GALNT17: variants seen among roughly 807,000 people sequenced by gnomAD.
GALNT17 encodes UDP-GalNAc:polypeptide N-acetylgalactosaminyltransferase-like 3.
GALNT17 carries 29 observed loss-of-function variants against 63.7 expected under a neutral mutation model. The observed-to-expected ratio is 0.46, with a 90% confidence interval of 0.34 to 0.62. The LOEUF (loss-of-function observed/expected upper bound fraction) is 0.62. Ranked by LOEUF, GALNT17 falls within the 20% of genes least tolerant of loss-of-function variation. GALNT17 has a pLI of 0.01. For missense variants in GALNT17, 603 were observed against 799.6 expected (o/e 0.75, Z 2.97); for synonymous variants, 305 against 318.3 (o/e 0.96, Z 0.45).
intron 1 of GALNT17, among the ~76,000 whole-genome samples, chr7:71,212,677 C>A (rs1789403788): frequency 6.6e-6 from 1 of 152,152 alleles, no homozygotes; most frequent in African/African-American, 2.4e-5. Context: ...CCATGGGAAC[C>A]CACCTCTTGG....
intron 6 of GALNT17, among the ~76,000 whole-genome samples, chr7:71,604,925 A>G (rs1231290352): frequency 1.3e-5 from 2 of 152,204 alleles, no homozygotes; most frequent in African/African-American, 2.4e-5. Flanking sequence ...GGCAAAGAGC[A>G]GAGTGCCCCC....
At chr7:71,298,694 G>A (rs565223920) in intron 1 of GALNT17, among the ~76,000 whole-genome samples, 5 of 141,298 alleles carry the variant, frequency 3.5e-5, no homozygotes, top group African/African-American at 8.0e-5. Flanking sequence ...ATTTGTGCAC[G>A]ACTTTTATTC....
chr7:71,619,907 CATG>C (rs1270624438), intron 6 of GALNT17, among the ~76,000 whole-genome samples: 1 of 152,098 alleles, frequency 6.6e-6, no homozygotes, highest in Non-Finnish European at 1.5e-5. Context: ...GCCCATTCAG[CATG>C]ATGTTGGCTG....
chr7:71,505,371 G>A (rs4719133), intron 5 of GALNT17, among the ~76,000 whole-genome samples: 78,983 of 151,474 alleles, frequency 0.52, 22,200 homozygotes, highest in Non-Finnish European at 0.65. Flanking sequence ...GGCTAAGGTG[G>A]GAGGATCACT....
At chr7:71,492,133 G>T (rs1167123579) in intron 5 of GALNT17, among the ~76,000 whole-genome samples, 2 of 152,218 alleles carry the variant, frequency 1.3e-5, no homozygotes, top group Middle Eastern at 6.8e-3. Flanking sequence ...TACAAAATTA[G>T]TCGGGCGTGG....
At chr7:71,283,164 G>A (rs1790808300) in intron 1 of GALNT17, among the ~76,000 whole-genome samples, 1 of 151,674 alleles carries the variant, frequency 6.6e-6, no homozygotes, top group Non-Finnish European at 1.5e-5. Flanking sequence ...CCCCCAAGTA[G>A]CTGGGACTGT....
chr7:71,261,639 G>A (rs1483035998), intron 1 of GALNT17, among the ~76,000 whole-genome samples: 5 of 152,162 alleles, frequency 3.3e-5, no homozygotes, highest in Non-Finnish European at 5.9e-5. Context: ...GGTTGGCTTC[G>A]TGTGCCTTGA....
At chr7:71,247,000 C>A (rs182596297) in intron 1 of GALNT17, among the ~76,000 whole-genome samples, 2 of 152,006 alleles carry the variant, frequency 1.3e-5, no homozygotes, top group African/African-American at 2.4e-5. Flanking sequence ...GTCTTGAACT[C>A]CTGGGCTCAA....
intron 3 of GALNT17, among the ~76,000 whole-genome samples, chr7:71,406,737 GT>G (rs11413616): frequency 1.5e-4 from 21 of 144,282 alleles, no homozygotes; most frequent in East Asian, 8.2e-4. Flanking sequence ...TTTCCAGGTG[GT>G]TTTTTTTTTT....
chr7:71,402,593 G>A (rs1237139286), intron 3 of GALNT17, among the ~76,000 whole-genome samples: 1 of 151,904 alleles, frequency 6.6e-6, no homozygotes, highest in Non-Finnish European at 1.5e-5. Flanking sequence ...TTGGACAGTT[G>A]TACATCTTGT....
chr7:71,655,454 G>T (rs1562724502), intron 6 of GALNT17, among the ~76,000 whole-genome samples: 1 of 152,148 alleles, frequency 6.6e-6, no homozygotes, highest in Non-Finnish European at 1.5e-5. Context: ...CCTCAAGAAA[G>T]TCAACACCGG....
At chr7:71,342,281 G>A (rs1042680174) in intron 2 of GALNT17, among the ~76,000 whole-genome samples, 14 of 151,962 alleles carry the variant, frequency 9.2e-5, no homozygotes, top group Admixed American at 2.6e-4. Flanking sequence ...GGCAAGAGTG[G>A]GAGCAAAAGA....
intron 5 of GALNT17, among the ~76,000 whole-genome samples, chr7:71,465,778 G>A (rs1787525484): frequency 6.6e-6 from 1 of 152,200 alleles, no homozygotes; most frequent in African/African-American, 2.4e-5. Context: ...CTTATATACT[G>A]TCTTGAGGTT....
chr7:71,479,751 G>A (rs1214613220), intron 5 of GALNT17, among the ~76,000 whole-genome samples: 1 of 152,158 alleles, frequency 6.6e-6, no homozygotes, highest in African/African-American at 2.4e-5. Context: ...GCCGGGTCTT[G>A]AAAACCAGCT....
In GALNT17 at chr7:71,490,457, A is replaced by C. The variant is rs186390268; in HGVS notation, c.962+69352A>C. On this transcript the variant is annotated intron_variant, in intron 5 of 10. Coordinates refer to ENST00000333538, the MANE Select transcript of GALNT17 (RefSeq NM_022479.3). ...AGACCCCCTTAAGTGTTTGTTGTGC[A>C]TGGTGGGGACACACACAGGCAGTGG... Among the ~76,000 whole-genome samples the C allele has an allele frequency of 9.9e-5, 15 of 152,180 alleles. No homozygotes were observed. The East Asian group carries it at 2.3e-3, about 24-fold the overall frequency.
chr7:71,206,291 A>G, intron 1 of GALNT17, among the ~76,000 whole-genome samples: 1 of 151,956 alleles, frequency 6.6e-6, no homozygotes, highest in Non-Finnish European at 1.5e-5. Context: ...AACCCGGTCT[A>G]GATCTCCCAC....
intron 8 of GALNT17, among the ~76,000 whole-genome samples, chr7:71,676,612 C>G (rs1164414607): frequency 1.3e-5 from 2 of 152,078 alleles, no homozygotes; most frequent in Non-Finnish European, 2.9e-5. Context: ...TCTTGAACTC[C>G]TGGGATCAAG....
chr7:71,226,294 C>T (rs1789678583), intron 1 of GALNT17, among the ~76,000 whole-genome samples: 1 of 152,142 alleles, frequency 6.6e-6, no homozygotes, highest in Non-Finnish European at 1.5e-5. Context: ...ATGTCTCCTA[C>T]CATCTGCCCT....
rs74953730 is a variant in GALNT17, at chr7:71,517,365, C to A, written c.963-53920C>A. Among the ~76,000 whole-genome samples, 370 of 152,242 alleles carry A rather than the reference C, an allele frequency of 2.4e-3. 2 individuals carry two copies. Among genetic ancestry groups the A allele is most frequent in the African/African-American group, 8.5e-3 (352 of 41,546 alleles). ...TTGAAACCTAATCACCTCCCAAAGTCCTGACCTGCCACTACCATTATACTG... is the reference window on the plus strand; with the variant it reads ...TTGAAACCTAATCACCTCCCAAAGTACTGACCTGCCACTACCATTATACTG... On this transcript the variant is annotated intron_variant, in intron 5 of 10. Transcript: ENST00000333538.
Sources: allele counts gnomAD v4.1 joint callset (sites outside exome capture counted in the v4.1 genomes callset), GRCh38; gene constraint gnomAD v4.1.1; transcripts MANE v1.5; gene names NCBI Gene and HGNC (gene_info 2026-07-23, HGNC 2026-07-21).